The following CCDC122 variants were observed in gnomAD, a reference collection of about 807,000 sequenced individuals.
CCDC122 encodes the protein coiled-coil domain containing 122.
CCDC122 carries 38 observed loss-of-function variants against 37.0 expected under a neutral mutation model. The observed-to-expected ratio is 1.03, with a 90% CI of 0.79 to 1.35. The LOEUF is 1.35. Among genes scored for constraint, CCDC122 ranks in the 40% most tolerant of loss-of-function variants. The pLI is 0.00. For synonymous variants in CCDC122, 83 were observed against 95.6 expected, an observed-to-expected ratio of 0.87 and a Z score of 0.77; for missense variants, 305 against 310.0, an observed-to-expected ratio of 0.98 and a Z score of 0.12.
chr13:43,863,266 A>G (rs1954169862), intron 4 of CCDC122, among the ~76,000 whole-genome samples: 1 of 152,178 alleles, frequency 6.6e-6, no homozygotes, highest in African/African-American at 2.4e-5. Flanking sequence ...TTATATAAAT[A>G]GAATCATTTA....
At position 43,859,885 on chromosome 13, in the gene CCDC122, G is replaced by A. The variant is rs1472302345; in HGVS notation, c.342C>T (p.Ala114=). The A allele has an allele frequency of 2.5e-6, 4 of 1,603,852 alleles. No individual in the cohort carries two copies. The highest frequency in any genetic ancestry group is 3.4e-6 in the Non-Finnish European group (4 of 1,175,758). Residue 114 remains alanine, a synonymous_variant, in exon 5 of 7, where the codon GCC becomes GCT. Transcript: ENST00000444614. ...NVKLKFDIET[A]QEDFEEHMIK... is the part of the protein sequence containing the mutation. Reference sequence around the variant, plus strand: ...TCATGTGTTCCTCAAAATCTTCTTGGGCTGTTTCTATGTCAAATTTAAGCT... The same window carrying A: ...TCATGTGTTCCTCAAAATCTTCTTGAGCTGTTTCTATGTCAAATTTAAGCT...
intron 3 of CCDC122, among the ~76,000 whole-genome samples, chr13:43,826,343 T>C (rs1233588642): frequency 1.3e-5 from 2 of 152,214 alleles, no homozygotes; most frequent in African/African-American, 4.8e-5. Context: ...ATTAAAATAG[T>C]TAATATCATA....
chr13:43,869,441 A>C lies in CCDC122; in HGVS notation c.-65T>G, dbSNP rs1234937194. 1 of 1,269,074 alleles carries C rather than the reference A, an allele frequency of 7.9e-7. No homozygotes were observed. The highest frequency in any genetic ancestry group is 1.1e-6 in the Non-Finnish European group (1 of 895,460). 78.6% of individuals were successfully genotyped at this position (1,269,074 alleles called of 1,614,324 possible). On this transcript the variant is annotated 5_prime_UTR_variant, in exon 3 of 7. Transcript: ENST00000444614. Reference sequence around the variant, plus strand: ...CTTCTTTACTCCTACTCAATAATCTATATTGATAATCTTTCACTTTTGTTT... The same window carrying C: ...CTTCTTTACTCCTACTCAATAATCTCTATTGATAATCTTTCACTTTTGTTT...
intron 3 of CCDC122, among the ~76,000 whole-genome samples, chr13:43,827,263 T>C (rs775785236): frequency 4.6e-5 from 7 of 152,232 alleles, no homozygotes; most frequent in Non-Finnish European, 8.8e-5. Context: ...TATTTATAAA[T>C]GTTCATACAT....
In CCDC122 at chr13:43,859,705, T is replaced by C. The variant is rs1195508431; in HGVS notation, c.522A>G (p.Gln174=). 3 of 1,575,136 alleles carry C rather than the reference T, an allele frequency of 1.9e-6. No homozygotes were observed. The highest frequency in any genetic ancestry group is 2.6e-6 in the Non-Finnish European group (3 of 1,167,276). The part of the protein sequence containing the change: ...TMKEELMQDL[Q]NPGGNRITQV... ...GTGTTATTCGGTTCCCTCCTGGATT[T>C]TGAAGATCTTGCATAAGTTCTTCTT... Residue 174 remains glutamine, a synonymous_variant, in exon 5 of 7, where the codon CAA becomes CAG. Transcript: ENST00000444614.
At chr13:43,841,605 T>C (rs1296773378) in intron 6 of CCDC122, among the ~76,000 whole-genome samples, 2 of 152,262 alleles carry the variant, frequency 1.3e-5, no homozygotes, top group Non-Finnish European at 1.5e-5. Context: ...GACTTTATTA[T>C]AGGCTGATAG....
intron 2 of CCDC122, among the ~76,000 whole-genome samples, chr13:43,873,624 C>T (rs904309373): frequency 6.6e-6 from 1 of 152,190 alleles, no homozygotes; most frequent in African/African-American, 2.4e-5. Context: ...GATTGACCTA[C>T]CCAAAGGATG....
At chr13:43,864,213 A>G (rs1305172147) in intron 4 of CCDC122, among the ~76,000 whole-genome samples, 1 of 152,154 alleles carries the variant, frequency 6.6e-6, no homozygotes, top group Non-Finnish European at 1.5e-5. Flanking sequence ...TAGCTATATC[A>G]TATTATCCTG....
At chr13:43,857,515 TATTTC>T (rs1953957048) in intron 6 of CCDC122, among the ~76,000 whole-genome samples, 1 of 152,076 alleles carries the variant, frequency 6.6e-6, no homozygotes, top group African/African-American at 2.4e-5. Context: ...AATCCAGTTT[TATTTC>T]AACATTTTTC....
In CCDC122 at chr13:43,879,700, G is replaced by C. The variant is rs997074490; in HGVS notation, c.-269C>G. On this transcript the variant is annotated 5_prime_UTR_variant, in exon 1 of 7. Transcript: ENST00000444614. ...CAGGTTTCCCCTGGGATCCTGGGAC[G>C]GTATCAGGCGGGGAATCTGTGCGGC... 8 of 153,812 alleles carry C rather than the reference G, an allele frequency of 5.2e-5. No individual in the cohort carries two copies. Among genetic ancestry groups the C allele is most frequent in the African/African-American group, 1.9e-4 (8 of 41,512 alleles). The allele number at this position is 153,812 out of a possible 1,614,324, so 9.5% of individuals were successfully genotyped here. A position where few individuals can be genotyped will look rare whatever the true frequency, so the allele number is the denominator to read the frequency against.
In CCDC122 at chr13:43,869,410, A is replaced by G. The variant is rs1332447189; in HGVS notation, c.-34T>C. The G allele has an allele frequency of 1.3e-6, 2 of 1,559,636 alleles. No homozygotes were observed. Among genetic ancestry groups the G allele is most frequent in the Non-Finnish European group, 1.8e-6 (2 of 1,139,218 alleles). ...TCTGTAATCTCTTTTCCCCTTTTTGATTTACCTTCTTTACTCCTACTCAAT... is the reference window on the plus strand; with the variant it reads ...TCTGTAATCTCTTTTCCCCTTTTTGGTTTACCTTCTTTACTCCTACTCAAT... On this transcript the variant is annotated 5_prime_UTR_variant, in exon 3 of 7. Transcript: ENST00000444614.
chr13:43,865,742 C>T (rs9595029), intron 4 of CCDC122, among the ~76,000 whole-genome samples: 2,311 of 152,146 alleles, frequency 0.015, 60 homozygotes, highest in African/African-American at 0.053. Flanking sequence ...TGGGATTAGA[C>T]GTGAGCCACC....
At chr13:43,840,206 A>C (rs976394815) in intron 6 of CCDC122, among the ~76,000 whole-genome samples, 5 of 152,108 alleles carry the variant, frequency 3.3e-5, no homozygotes, top group African/African-American at 1.2e-4. Context: ...CCCAGGCCAT[A>C]TTTTGTTCGC....
At chr13:43,837,544 A>C in intron 6 of CCDC122, 115 bp from the exon 7 acceptor site, 1 of 776,182 alleles carries the variant, frequency 1.3e-6, no homozygotes, top group Non-Finnish European at 1.9e-6. Flanking sequence ...ACTATCCACT[A>C]TAAATAATTA....
At chr13:43,856,534 G>C (rs959206750) in intron 6 of CCDC122, 1 of 158,706 alleles carries the variant, frequency 6.3e-6, no homozygotes, top group African/African-American at 2.4e-5. Flanking sequence ...GGAGGCTGAG[G>C]CAGGAGAATG....
At chr13:43,850,699 T>C (rs1373093281) in intron 6 of CCDC122, among the ~76,000 whole-genome samples, 1 of 152,140 alleles carries the variant, frequency 6.6e-6, no homozygotes, top group African/African-American at 2.4e-5. Flanking sequence ...ACAAAAGATG[T>C]CATATCTTTC....
At chr13:43,878,936 A>C (rs1418726206) in intron 1 of CCDC122, among the ~76,000 whole-genome samples, 2 of 152,160 alleles carry the variant, frequency 1.3e-5, no homozygotes, top group African/African-American at 2.4e-5. Flanking sequence ...TGAACAACAA[A>C]AAAACACTAA....
intron 3 of CCDC122, among the ~76,000 whole-genome samples, chr13:43,825,953 A>G (rs1953036128): frequency 6.6e-6 from 1 of 152,172 alleles, no homozygotes; most frequent in African/African-American, 2.4e-5. Context: ...ATTTTTAGAA[A>G]AGAAGAACTG....
Position 43,860,047 on chromosome 13 carries a change from T to G in CCDC122, c.180A>C (p.Lys60Asn). ...NLKNELHELE[K>N]EIAAISAETK... ...TTTCTGCAGAGATAGCTGCTATTTC[T>G]TTTTCAAGCTCATGAAGTTCATTCT... The change falls in exon 5 of 7, where the codon AAA becomes AAC. Residue 60 changes from lysine (K) to asparagine (N), a missense_variant. Transcript: ENST00000444614. The G allele has an allele frequency of 6.6e-7, 1 of 1,524,554 alleles. No homozygotes were observed. The highest frequency in any genetic ancestry group is 8.8e-7 in the Non-Finnish European group (1 of 1,134,218). The allele number at this position is 1,524,554 out of a possible 1,614,324, so 94.4% of individuals were successfully genotyped here. A position where few individuals can be genotyped will look rare whatever the true frequency, so the allele number is the denominator to read the frequency against.
Sources: gnomAD v4.1 joint callset for allele counts (sites outside exome capture counted in the v4.1 genomes callset) on GRCh38, gnomAD v4.1.1 for gene constraint, MANE v1.5 for transcripts, NCBI Gene and HGNC (gene_info 2026-07-23, HGNC 2026-07-21) for gene names.